Variants in CRLS1 observed in about 807,000 individuals in gnomAD.
CRLS1 encodes cardiolipin synthase (CMP-forming).
Under a neutral mutation model 37.0 loss-of-function variants are expected in CRLS1, and 24 were observed. The ratio of observed to expected loss-of-function variants is 0.65; its 90% CI spans 0.47 to 0.91. The LOEUF (loss-of-function observed/expected upper bound fraction) is 0.91. Ranked by LOEUF, CRLS1 falls within the 40% of genes least tolerant of loss-of-function variation. CRLS1 has a pLI of 0.00. For synonymous variants in CRLS1, 135 were observed against 159.7 expected (o/e 0.85, Z 1.17); for missense variants, 373 against 395.8 (o/e 0.94, Z 0.49).
At position 6,038,997 on chromosome 20, in the gene CRLS1, G is replaced by A. The variant is rs746539233; in HGVS notation, c.*1839G>A. 1 of 152,208 alleles carries A rather than the reference G, an allele frequency of 6.6e-6. No homozygotes were observed. The highest frequency in any genetic ancestry group is 2.4e-5 in the African/African-American group (1 of 41,440). 9.4% of individuals were successfully genotyped at this position (152,208 alleles called of 1,614,324 possible). On this transcript the variant is annotated 3_prime_UTR_variant, in exon 7 of 7. Transcript: ENST00000378863. Reference sequence around the variant, plus strand: ...AAAACACTGGAATTGTATTAGACATGTCTGAGTATGTACTTGTTTATAGAC... The same window carrying A: ...AAAACACTGGAATTGTATTAGACATATCTGAGTATGTACTTGTTTATAGAC...
intron 6 of CRLS1, among the ~76,000 whole-genome samples, chr20:6,036,430 A>G (rs1257817400): frequency 1.8e-4 from 28 of 152,182 alleles, no homozygotes; most frequent in Admixed American, 1.8e-3. Context: ...GCAGCATGCC[A>G]TGGGTGTCAG....
chr20:6,011,135 A>G (rs997808126), intron 2 of CRLS1, among the ~76,000 whole-genome samples: 1 of 152,178 alleles, frequency 6.6e-6, no homozygotes, highest in African/African-American at 2.4e-5. Flanking sequence ...TAGATACATT[A>G]TATTCTTGTA....
chr20:6,027,673 C>T (rs1391362179), intron 3 of CRLS1, among the ~76,000 whole-genome samples: 1 of 152,202 alleles, frequency 6.6e-6, no homozygotes. Context: ...CCTCAGCCTC[C>T]CAAAGTGCTG....
At chr20:6,009,125 C>T (rs1464349835) in intron 1 of CRLS1, among the ~76,000 whole-genome samples, 1 of 152,154 alleles carries the variant, frequency 6.6e-6, no homozygotes, top group Non-Finnish European at 1.5e-5. Context: ...GAGTTTGAGA[C>T]CAGCCTGGCC....
At position 6,037,129 on chromosome 20, in the gene CRLS1, C is replaced by A. The variant is rs753805913; in HGVS notation, c.877C>A (p.Arg293=). The A allele has an allele frequency of 6.2e-7, 1 of 1,613,370 alleles. No homozygotes were observed. Among genetic ancestry groups the A allele is most frequent in the South Asian group, 1.1e-5 (1 of 91,032 alleles). ...AGCTTATAGTTACTATCATTATGGC[C>A]GGAAGACTGTTCAGGTGATAAAAGA... ...ASAYSYYHYG[R]KTVQVIKD Residue 293 remains arginine, a synonymous_variant, in exon 7 of 7, where the codon CGG becomes AGG. Transcript: ENST00000378863.
intron 6 of CRLS1, among the ~76,000 whole-genome samples, chr20:6,035,510 T>C (rs559054016): frequency 4.6e-5 from 7 of 151,492 alleles, no homozygotes; most frequent in East Asian, 2.0e-4. Context: ...AGTATTTTTT[T>C]CCCCTAGGAA....
At position 6,013,135 on chromosome 20, in the gene CRLS1, A is replaced by G. The variant is rs566795845; in HGVS notation, c.445-2226A>G. Among the ~76,000 whole-genome samples, 3 of 152,108 alleles carry G rather than the reference A, an allele frequency of 2.0e-5. No homozygotes were observed. In the South Asian group the frequency reaches 6.2e-4, roughly 32 times the overall value. On this transcript the variant is annotated intron_variant, in intron 2 of 6. Coordinates refer to ENST00000378863, the MANE Select transcript of CRLS1 (RefSeq NM_019095.6). ...AGATATATACTGGGGAATTATATCT[A>G]TGTGTATATAGATAGATAGATATAA...
chr20:6,016,317 A>G (rs1700198382), intron 3 of CRLS1, among the ~76,000 whole-genome samples: 1 of 152,188 alleles, frequency 6.6e-6, no homozygotes, highest in Non-Finnish European at 1.5e-5. Flanking sequence ...GTCTCCCCCA[A>G]CTGGAAATTA....
At position 6,015,428 on chromosome 20, in the gene CRLS1, T is replaced by C; in HGVS notation, c.512T>C (p.Leu171Pro). ...GCTTTGGGAAGTGCTCTTGATCCAC[T>C]TGCTGATAAAATACTTATCAGTATC... ...RSALGSALDPLADKILISILY... is the reference protein window; with the variant it reads ...RSALGSALDPPADKILISILY... Residue 171 changes from leucine (L) to proline (P), a missense_variant, in exon 3 of 7, where the codon CTT becomes CCT. Leu to Pro is a moderately conservative substitution (Grantham distance 98). Transcript: ENST00000378863. The C allele has an allele frequency of 1.2e-6, 2 of 1,612,102 alleles. No individual in the cohort carries two copies. Among genetic ancestry groups the C allele is most frequent in the Non-Finnish European group, 1.7e-6 (2 of 1,178,462 alleles).
intron 1 of CRLS1, among the ~76,000 whole-genome samples, chr20:6,008,108 T>TTA (rs1225007418): frequency 1.4e-5 from 2 of 138,054 alleles, no homozygotes; most frequent in African/African-American, 5.7e-5. Flanking sequence ...TTTTTTTTTT[T>TTA]ACAGGATAGT....
chr20:6,018,301 T>A (rs183568532), intron 3 of CRLS1, among the ~76,000 whole-genome samples: 1 of 152,258 alleles, frequency 6.6e-6, no homozygotes, highest in African/African-American at 2.4e-5. Flanking sequence ...TTGATTGTTA[T>A]GTCTAGCGAA....
At chr20:6,037,022 T>C in intron 6 of CRLS1, 52 bp from the exon 7 acceptor site, 1 of 1,249,822 alleles carries the variant, frequency 8.0e-7, no homozygotes, top group South Asian at 1.2e-5. Context: ...TTCCCGTTGC[T>C]ACTATTTTTT....
At chr20:6,032,879 G>A (rs1483551273) in intron 5 of CRLS1, among the ~76,000 whole-genome samples, 1 of 151,874 alleles carries the variant, frequency 6.6e-6, no homozygotes, top group African/African-American at 2.4e-5. Context: ...AACTCCCTGG[G>A]GTGGACTTTC....
intron 1 of CRLS1, 28 bp downstream of exon 1, chr20:6,006,580 C>G (rs1169794335): frequency 1.6e-6 from 2 of 1,254,940 alleles, no homozygotes; most frequent in East Asian, 3.2e-5. Flanking sequence ...GGCGGCGGGC[C>G]GGCCCTGGGC....
chr20:6,022,029 T>C (rs550797616), intron 3 of CRLS1, among the ~76,000 whole-genome samples: 2 of 152,320 alleles, frequency 1.3e-5, no homozygotes, highest in East Asian at 3.9e-4. Flanking sequence ...TTATACAATG[T>C]TCATTTAAAT....
intron 3 of CRLS1, among the ~76,000 whole-genome samples, chr20:6,016,820 A>G (rs757121629): frequency 6.6e-6 from 1 of 152,044 alleles, no homozygotes; most frequent in Admixed American, 6.6e-5. Context: ...CCAGGCTCCC[A>G]TGTCTTCCTT....
chr20:6,010,992 G>A (rs929514597), intron 2 of CRLS1, among the ~76,000 whole-genome samples: 2 of 151,850 alleles, frequency 1.3e-5, no homozygotes, highest in African/African-American at 4.8e-5. Flanking sequence ...ACTCTAGCCT[G>A]GGTGACAGAG....
intron 3 of CRLS1, among the ~76,000 whole-genome samples, chr20:6,022,697 T>A (rs34592711): frequency 2.0e-5 from 3 of 152,200 alleles, no homozygotes; most frequent in African/African-American, 7.2e-5. Flanking sequence ...ATTTTCTTTG[T>A]GTTTTGTTTT....
At chr20:6,010,915 G>T (rs1030354921) in intron 2 of CRLS1, among the ~76,000 whole-genome samples, 5 of 152,094 alleles carry the variant, frequency 3.3e-5, no homozygotes, top group African/African-American at 1.2e-4. Flanking sequence ...TACTCAGGAG[G>T]CTGAGGCAGG....
Sources: allele counts gnomAD v4.1 joint callset (sites outside exome capture counted in the v4.1 genomes callset), GRCh38; gene constraint gnomAD v4.1.1; transcripts MANE v1.5; gene names NCBI Gene and HGNC (gene_info 2026-07-23, HGNC 2026-07-21).